Variants in AGBL1 observed in about 807,000 individuals in gnomAD.
AGBL1 encodes AGBL carboxypeptidase 1, also known as cytosolic carboxypeptidase 4.
In AGBL1, 130 loss-of-function variants were observed where a neutral mutation model predicts 118.9. The ratio of observed to expected loss-of-function variants is 1.09; its 90% CI spans 0.95 to 1.26. The LOEUF (loss-of-function observed/expected upper bound fraction) is 1.26, where lower values mean the gene tolerates loss of function less well. Among genes scored for constraint, AGBL1 ranks in the 50% most tolerant of loss-of-function variants. The probability of loss-of-function intolerance (pLI) is 0.00; values close to 1 mark genes in which losing one functional copy is unlikely to be tolerated. For synonymous variants in AGBL1, 555 were observed against 478.9 expected, an observed-to-expected ratio of 1.16 and a Z score of -2.08; for missense variants, 1,584 against 1,298.1, an observed-to-expected ratio of 1.22 and a Z score of -3.38.
chr15:86,685,051 G>A (rs142838791), intron 22 of AGBL1, among the ~76,000 whole-genome samples: 6 of 152,254 alleles, frequency 3.9e-5, no homozygotes, highest in African/African-American at 1.4e-4. Flanking sequence ...GGAACAAAGA[G>A]GTATGTTTAG....
intron 9 of AGBL1, among the ~76,000 whole-genome samples, chr15:86,260,422 C>T (rs1026495934): frequency 3.3e-5 from 5 of 152,170 alleles, no homozygotes; most frequent in Admixed American, 6.5e-5. Flanking sequence ...CCAAGGTCAA[C>T]GTATTAGATG....
chr15:86,101,567 A>C (rs1896720376), intron 1 of AGBL1, among the ~76,000 whole-genome samples: 1 of 150,280 alleles, frequency 6.7e-6, no homozygotes, highest in Admixed American at 6.6e-5. Flanking sequence ...GAGTGCAGTT[A>C]TGTTTACAAT....
At chr15:86,162,217 C>T (rs896668035) in intron 5 of AGBL1, among the ~76,000 whole-genome samples, 1 of 152,138 alleles carries the variant, frequency 6.6e-6, no homozygotes, top group Non-Finnish European at 1.5e-5. Context: ...AGTCGCATGT[C>T]AGGGGGCATG....
intron 17 of AGBL1, among the ~76,000 whole-genome samples, chr15:86,327,994 CA>C (rs1410635370): frequency 6.6e-6 from 1 of 152,168 alleles, no homozygotes; most frequent in Non-Finnish European, 1.5e-5. Context: ...CCTATATGAG[CA>C]AGCTTTGTTT....
intron 22 of AGBL1, among the ~76,000 whole-genome samples, chr15:86,873,484 T>C (rs1290232474): frequency 6.6e-6 from 1 of 152,230 alleles, no homozygotes; most frequent in South Asian, 2.1e-4. Context: ...TGAAAGTTTT[T>C]GTCCCCATGA....
intron 18 of AGBL1, among the ~76,000 whole-genome samples, chr15:86,423,181 T>C (rs2081815907): frequency 6.6e-6 from 1 of 152,086 alleles, no homozygotes; most frequent in African/African-American, 2.4e-5. Flanking sequence ...AATGTGAAAA[T>C]CCTCAATAAA....
rs1003485389 is a variant in AGBL1 at position 86,679,554 on chromosome 15, T to A, written c.3158+5118T>A. 3.3e-5 allele frequency among the ~76,000 whole-genome samples: 5 copies of A among 152,194 alleles called. No individual in the cohort carries two copies. The South Asian group carries it at 8.3e-4, about 25-fold the overall frequency. Reference sequence around the variant, plus strand: ...CATCAGCTTTGCTTACTTCTTTTTCTTATCTTATGATCTGGGCTAGAGTTT... The same window carrying A: ...CATCAGCTTTGCTTACTTCTTTTTCATATCTTATGATCTGGGCTAGAGTTT... On this transcript the variant is annotated intron_variant, in intron 22 of 22. Transcript: ENST00000614907.
chr15:86,462,824 T>G (rs551358335), intron 18 of AGBL1, among the ~76,000 whole-genome samples: 1 of 152,328 alleles, frequency 6.6e-6, no homozygotes, highest in South Asian at 2.1e-4. Flanking sequence ...TTTCACATTT[T>G]CTTTATCCAG....
intron 5 of AGBL1, among the ~76,000 whole-genome samples, chr15:86,207,773 C>T (rs1380045813): frequency 6.6e-6 from 1 of 152,156 alleles, no homozygotes; most frequent in Non-Finnish European, 1.5e-5. Flanking sequence ...GAAAATTTGA[C>T]TTCCTCTTTT....
Position 86,613,057 on chromosome 15 carries a change from A to G in AGBL1, c.2994+58520A>G, listed in dbSNP as rs1227554336. Among the ~76,000 whole-genome samples, 1 of 152,248 alleles carries G rather than the reference A, an allele frequency of 6.6e-6. No individual in the cohort carries two copies. The highest frequency in any genetic ancestry group is 1.5e-5 in the Non-Finnish European group (1 of 68,040). ...TGTAACTTTTGTCTCCCTAAAATGT[A>G]TAAAGCCAAGATGTAACACAATCAC... On this transcript the variant is annotated intron_variant, in intron 21 of 22. Coordinates refer to ENST00000614907, the MANE Select transcript of AGBL1 (RefSeq NM_001386094.1). This position sits in a 1 kb window ranked among gnomAD's most constrained non-coding sequence, Gnocchi z 4.2.
chr15:86,363,739 AT>A (rs2080839698), intron 17 of AGBL1, among the ~76,000 whole-genome samples: 2 of 152,082 alleles, frequency 1.3e-5, no homozygotes, highest in Non-Finnish European at 2.9e-5. Flanking sequence ...CAAATCCCTG[AT>A]TCATATTTCC....
intron 5 of AGBL1, among the ~76,000 whole-genome samples, chr15:86,165,421 G>A (rs928880276): frequency 2.6e-5 from 4 of 152,042 alleles, no homozygotes; most frequent in African/African-American, 9.7e-5. Flanking sequence ...GGTCTTCTGG[G>A]CTTTCTCCAA....
At chr15:86,725,512 G>A (rs2086806121) in intron 22 of AGBL1, among the ~76,000 whole-genome samples, 1 of 152,206 alleles carries the variant, frequency 6.6e-6, no homozygotes, top group Non-Finnish European at 1.5e-5. Context: ...AAAAGTTGTG[G>A]CTGCCTCTTT....
Position 86,935,597 on chromosome 15 carries a change from G to C in AGBL1, c.3222-52390G>C, listed in dbSNP as rs1046065213. ...ATATCACCCTGAGTGGACCAACACA[G>C]TCTCTAATTGGAACTTATTTTTCAG... On this transcript the variant is annotated intron_variant, in intron 23 of 24. Coordinates refer to the AGBL1 transcript ENST00000441037. Among the ~76,000 whole-genome samples, 16 of 152,328 alleles carry C rather than the reference G, an allele frequency of 1.1e-4. No individual in the cohort carries two copies. In the East Asian group the frequency reaches 3.1e-3, roughly 29 times the overall value.
chr15:86,388,597 T>C (rs2081231350), intron 17 of AGBL1, among the ~76,000 whole-genome samples: 1 of 152,184 alleles, frequency 6.6e-6, no homozygotes, highest in South Asian at 2.1e-4. Flanking sequence ...AACCAAAGTC[T>C]TCCAATTCAT....
chr15:86,401,271 A>G (rs540605177), intron 18 of AGBL1, among the ~76,000 whole-genome samples: 2 of 152,110 alleles, frequency 1.3e-5, no homozygotes, highest in African/African-American at 4.8e-5. Context: ...AGAACTGTCT[A>G]TTCGTGTCCT....
intron 21 of AGBL1, among the ~76,000 whole-genome samples, chr15:86,581,719 C>A (rs763068595): frequency 6.6e-6 from 1 of 152,026 alleles, no homozygotes; most frequent in African/African-American, 2.4e-5. Flanking sequence ...TCTTCCTCTC[C>A]CCCAAATCTC....
At chr15:86,727,165 G>T (rs1457712289) in intron 22 of AGBL1, among the ~76,000 whole-genome samples, 3 of 152,100 alleles carry the variant, frequency 2.0e-5, no homozygotes, top group African/African-American at 7.2e-5. Flanking sequence ...TGACATGATG[G>T]CCAAAGAGGG....
intron 21 of AGBL1, among the ~76,000 whole-genome samples, chr15:86,596,405 AGG>A (rs2084405560): frequency 6.6e-6 from 1 of 152,256 alleles, no homozygotes; most frequent in South Asian, 2.1e-4. Context: ...ATGTATATAT[AGG>A]TTAAATAACT....
Sources: allele counts gnomAD v4.1 joint callset (sites outside exome capture counted in the v4.1 genomes callset), GRCh38; gene constraint gnomAD v4.1.1; non-coding constraint Gnocchi (gnomAD v3.1); transcripts MANE v1.5; gene names NCBI Gene and HGNC (gene_info 2026-07-23, HGNC 2026-07-21).